Variants in KIF21A observed in about 807,000 individuals in gnomAD.
KIF21A encodes kinesin family member 21A.
A neutral mutation model predicts 202.9 loss-of-function variants in KIF21A; 114 were observed. The observed-to-expected ratio is 0.56, with a 90% CI of 0.48 to 0.66. KIF21A has a LOEUF of 0.66. Ranked by LOEUF, KIF21A falls within the 30% of genes least tolerant of loss-of-function variation. The pLI is 0.00. For missense variants in KIF21A, 1,677 were observed against 1,994.9 expected (o/e 0.84, Z 3.04); for synonymous variants, 667 against 670.8 (o/e 0.99, Z 0.09).
At chr12:39,419,721 T>C (rs1177720886) in intron 1 of KIF21A, among the ~76,000 whole-genome samples, 3 of 152,160 alleles carry the variant, frequency 2.0e-5, no homozygotes, top group Non-Finnish European at 4.4e-5. Flanking sequence ...TGGGGATATT[T>C]TGAAGAAATT....
At chr12:39,434,035 T>C (rs984397725) in intron 1 of KIF21A, among the ~76,000 whole-genome samples, 3 of 152,210 alleles carry the variant, frequency 2.0e-5, no homozygotes, top group Non-Finnish European at 2.9e-5. Context: ...TGCCCATCGT[T>C]GGTGTCCTAG....
chr12:39,298,973 T>C (rs923022835), intron 37 of KIF21A, among the ~76,000 whole-genome samples: 1 of 152,208 alleles, frequency 6.6e-6, no homozygotes, highest in Middle Eastern at 3.2e-3. Flanking sequence ...GCCTCGCACA[T>C]AGTAAGCACT....
chr12:39,419,885 G>T (rs1033317571), intron 1 of KIF21A, among the ~76,000 whole-genome samples: 2 of 151,960 alleles, frequency 1.3e-5, no homozygotes, highest in Non-Finnish European at 2.9e-5. Flanking sequence ...TCTCCATTCG[G>T]CAGAACTCAA....
chr12:39,320,110 G>A (rs1945045538), intron 27 of KIF21A, 97 bp from the exon 28 acceptor site: 5 of 684,432 alleles, frequency 7.3e-6, no homozygotes, highest in East Asian at 5.5e-5. Context: ...GTTAATAACT[G>A]GAACCTCAGA....
intron 9 of KIF21A, 61 bp from the exon 10 acceptor site, chr12:39,356,956 G>T: frequency 1.2e-6 from 1 of 801,550 alleles, no homozygotes; most frequent in South Asian, 1.5e-5. Context: ...CAAAACAGGA[G>T]AAAAAAAAAG....
intron 1 of KIF21A, among the ~76,000 whole-genome samples, chr12:39,421,803 TTA>T (rs972572444): frequency 1.4e-5 from 2 of 147,118 alleles, no homozygotes; most frequent in Admixed American, 6.8e-5. Context: ...ATTTTATATA[TTA>T]TATAATTATA....
Position 39,442,783 on chromosome 12 carries a change from G to C in KIF21A, c.44+144C>G. ...CGTGCCAGGCCAGCGGGGACTCACT[G>C]CCTCAGTTTCCTCAGCCGCAGAACC... On this transcript the variant is annotated intron_variant, in intron 1 of 37. Transcript: ENST00000361418. This position sits in a 1 kb window ranked among gnomAD's most constrained non-coding sequence, Gnocchi z 5.0. The C allele has an allele frequency of 9.8e-7, 1 of 1,021,022 alleles. No homozygotes were observed. 63.2% of individuals were successfully genotyped at this position (1,021,022 alleles called of 1,614,324 possible). A position where few individuals can be genotyped will look rare whatever the true frequency, so the allele number is the denominator to read the frequency against.
At chr12:39,438,332 A>T (rs76622467) in intron 1 of KIF21A, among the ~76,000 whole-genome samples, 2,403 of 152,298 alleles carry the variant, frequency 0.016, 54 homozygotes, top group African/African-American at 0.054. Context: ...CAGTTAATAT[A>T]GAGGCATCAT....
intron 37 of KIF21A, among the ~76,000 whole-genome samples, chr12:39,299,428 GCTA>G (rs753766480): frequency 2.6e-5 from 4 of 152,034 alleles, no homozygotes; most frequent in Non-Finnish European, 5.9e-5. Flanking sequence ...AGTCAAAATG[GCTA>G]CTATTAAAAA....
chr12:39,365,510 T>C (rs1456257160), intron 6 of KIF21A, among the ~76,000 whole-genome samples: 1 of 152,252 alleles, frequency 6.6e-6, no homozygotes, highest in Non-Finnish European at 1.5e-5. Context: ...TGAAGCTTTA[T>C]GCTAACTAAA....
intron 12 of KIF21A, among the ~76,000 whole-genome samples, chr12:39,342,431 T>C (rs1947520432): frequency 6.6e-6 from 1 of 152,170 alleles, no homozygotes; most frequent in African/African-American, 2.4e-5. Flanking sequence ...GCCAATTAAC[T>C]AGAATGTAAG....
chr12:39,384,986 ATCTCTT>A (rs56294791), intron 1 of KIF21A, among the ~76,000 whole-genome samples: 2,261 of 152,322 alleles, frequency 0.015, 22 homozygotes, highest in Middle Eastern at 0.037. Context: ...TACCAGGAGA[ATCTCTT>A]TCTCCAGTCT....
intron 1 of KIF21A, among the ~76,000 whole-genome samples, chr12:39,382,367 T>G (rs1325218861): frequency 6.6e-6 from 1 of 152,144 alleles, no homozygotes; most frequent in African/African-American, 2.4e-5. Flanking sequence ...AATAAGATGA[T>G]CCTAAGGTTC....
At chr12:39,326,137 C>G (rs1945884751) in intron 25 of KIF21A, 127 bp downstream of exon 25, 1 of 785,438 alleles carries the variant, frequency 1.3e-6, no homozygotes, top group East Asian at 2.7e-5. Flanking sequence ...TTTACTGTTT[C>G]TAAGTGCTAT....
At chr12:39,405,908 T>A (rs1253257583) in intron 1 of KIF21A, among the ~76,000 whole-genome samples, 4 of 152,180 alleles carry the variant, frequency 2.6e-5, no homozygotes, top group Non-Finnish European at 4.4e-5. Flanking sequence ...AACAAGACAG[T>A]TACAAACCCA....
intron 37 of KIF21A, among the ~76,000 whole-genome samples, chr12:39,297,808 A>G (rs1942550982): frequency 6.6e-6 from 1 of 151,286 alleles, no homozygotes; most frequent in South Asian, 2.1e-4. Flanking sequence ...CCCCACCCTT[A>G]GACACACATA....
At chr12:39,347,721 G>T (rs1298151171) in intron 11 of KIF21A, among the ~76,000 whole-genome samples, 1 of 152,026 alleles carries the variant, frequency 6.6e-6, no homozygotes, top group African/African-American at 2.4e-5. Context: ...GTCCAGTATA[G>T]TGATTAGAAA....
intron 24 of KIF21A, 77 bp downstream of exon 24, chr12:39,330,165 A>T: frequency 7.4e-7 from 1 of 1,357,816 alleles, no homozygotes; most frequent in Non-Finnish European, 1.1e-6. Flanking sequence ...TTAAAATAAG[A>T]TGTACCACAA....
chr12:39,436,898 A>G lies in KIF21A; in HGVS notation c.44+6029T>C, dbSNP rs566156690. 3.3e-5 allele frequency among the ~76,000 whole-genome samples: 5 copies of G among 152,278 alleles called. No individual in the cohort carries two copies. The East Asian group carries it at 9.7e-4, about 29-fold the overall frequency. ...ATAACAACAACTTTGTTTTATTTTG[A>G]ATAAAATTGTTCTAATGATATACAG... On this transcript the variant is annotated intron_variant, in intron 1 of 37. Coordinates refer to ENST00000361418, the MANE Select transcript of KIF21A (RefSeq NM_001173464.2).
Sources: gnomAD v4.1 joint callset for allele counts (sites outside exome capture counted in the v4.1 genomes callset) on GRCh38, gnomAD v4.1.1 for gene constraint, Gnocchi (gnomAD v3.1) non-coding constraint, MANE v1.5 for transcripts, NCBI Gene and HGNC (gene_info 2026-07-23, HGNC 2026-07-21) for gene names.